COL13A1: variants seen among roughly 807,000 people sequenced by gnomAD.
COL13A1 encodes the protein collagen type XIII alpha 1 chain, also known as collagen alpha-1(XIII) chain.
A neutral mutation model predicts 130.9 loss-of-function variants in COL13A1; 89 were observed. That is an observed-to-expected ratio of 0.68 (90% CI 0.57 to 0.81). The LOEUF (loss-of-function observed/expected upper bound fraction) is 0.81, where lower values mean the gene tolerates loss of function less well. Ranked by LOEUF, COL13A1 falls within the 30% of genes least tolerant of loss-of-function variation. COL13A1 has a pLI of 0.00. For missense variants in COL13A1, 879 were observed against 934.6 expected, an observed-to-expected ratio of 0.94 and a Z score of 0.78; for synonymous variants, 402 against 341.6, an observed-to-expected ratio of 1.18 and a Z score of -1.95.
intron 37 of COL13A1, among the ~76,000 whole-genome samples, chr10:69,946,443 A>T (rs1169124358): frequency 6.6e-6 from 1 of 152,144 alleles, no homozygotes; most frequent in African/African-American, 2.4e-5. Context: ...ATGCTTTCCC[A>T]CCACTGTGTT....
intron 2 of COL13A1, among the ~76,000 whole-genome samples, chr10:69,841,193 G>T (rs1284117864): frequency 6.6e-6 from 1 of 151,530 alleles, no homozygotes; most frequent in African/African-American, 2.4e-5. Flanking sequence ...CTCCACCTTT[G>T]CCTGTTAACT....
chr10:69,926,145 C>T (rs1030836810), intron 26 of COL13A1, among the ~76,000 whole-genome samples: 3 of 152,238 alleles, frequency 2.0e-5, no homozygotes, highest in African/African-American at 4.8e-5. Context: ...CCCTGAGTGC[C>T]ATAGTGGAAT....
intron 13 of COL13A1, among the ~76,000 whole-genome samples, chr10:69,897,886 G>A (rs1178243041): frequency 1.3e-5 from 2 of 152,342 alleles, no homozygotes; most frequent in East Asian, 3.9e-4. Context: ...TCAATGGGTA[G>A]AGGGACTGGA....
chr10:69,933,189 C>CACA (rs2066386595), intron 31 of COL13A1, among the ~76,000 whole-genome samples: 1 of 133,696 alleles, frequency 7.5e-6, no homozygotes, highest in Non-Finnish European at 1.6e-5. Context: ...CTCCACAGCT[C>CACA]ACAATACCCC....
intron 34 of COL13A1, among the ~76,000 whole-genome samples, chr10:69,939,530 T>C (rs2067354220): frequency 6.6e-6 from 1 of 152,184 alleles, no homozygotes; most frequent in African/African-American, 2.4e-5. Flanking sequence ...TTAGCTACCA[T>C]TCTGTTTCCA....
intron 2 of COL13A1, among the ~76,000 whole-genome samples, chr10:69,834,985 A>G (rs1468458625): frequency 6.6e-6 from 1 of 152,212 alleles, no homozygotes; most frequent in Non-Finnish European, 1.5e-5. Context: ...CTCACAGAAG[A>G]GAGAGAACAG....
chr10:69,838,501 C>G (rs1267777347), intron 2 of COL13A1, among the ~76,000 whole-genome samples: 1 of 152,216 alleles, frequency 6.6e-6, no homozygotes, highest in Non-Finnish European at 1.5e-5. Context: ...GGTACAGTAC[C>G]TGGCATGGGG....
chr10:69,898,904 C>A, intron 14 of COL13A1, 142 bp downstream of exon 14: 1 of 598,842 alleles, frequency 1.7e-6, no homozygotes, highest in South Asian at 2.3e-5. Context: ...ATACCATAGA[C>A]ATGGAAATAC....
intron 21 of COL13A1, among the ~76,000 whole-genome samples, chr10:69,920,016 A>G (rs1251079930): frequency 1.3e-5 from 2 of 152,096 alleles, no homozygotes; most frequent in Admixed American, 6.5e-5. Flanking sequence ...CCTTCTCCAC[A>G]TGGCCTGCTT....
chr10:69,889,077 A>T (rs1474781832), intron 9 of COL13A1, among the ~76,000 whole-genome samples: 1 of 152,098 alleles, frequency 6.6e-6, no homozygotes, highest in Non-Finnish European at 1.5e-5. Context: ...GCCAGCAATC[A>T]TTTCCACTCA....
chr10:69,805,934 C>CA (rs1348254992), intron 1 of COL13A1, among the ~76,000 whole-genome samples: 2 of 152,260 alleles, frequency 1.3e-5, no homozygotes, highest in Non-Finnish European at 2.9e-5. Context: ...TCATGGGGCA[C>CA]ACACAGGCAT....
intron 15 of COL13A1, among the ~76,000 whole-genome samples, chr10:69,903,875 G>A (rs2062451541): frequency 6.6e-6 from 1 of 152,132 alleles, no homozygotes. Flanking sequence ...CATTCTAGAT[G>A]GCCTGTTTGC....
chr10:69,870,185 A>ATT (rs142980589), intron 3 of COL13A1, among the ~76,000 whole-genome samples: 8 of 151,784 alleles, frequency 5.3e-5, no homozygotes, highest in African/African-American at 1.9e-4. Context: ...GTATATATAT[A>ATT]TTTTTTTTAC....
chr10:69,919,131 G>A (rs1270863903), intron 20 of COL13A1, 43 bp downstream of exon 20: 2 of 1,613,196 alleles, frequency 1.2e-6, no homozygotes, highest in African/African-American at 2.7e-5. Context: ...CAGAGCATCG[G>A]TCATGGGCAG....
chr10:69,948,690 A>C (rs1187984414), intron 38 of COL13A1, among the ~76,000 whole-genome samples: 1 of 152,160 alleles, frequency 6.6e-6, no homozygotes, highest in Non-Finnish European at 1.5e-5. Flanking sequence ...GTATTTTCTA[A>C]ACCTCCTTCT....
At chr10:69,914,273 G>A (rs2063687916) in intron 17 of COL13A1, among the ~76,000 whole-genome samples, 1 of 152,024 alleles carries the variant, frequency 6.6e-6, no homozygotes, top group Admixed American at 6.5e-5. Context: ...AAAGCTAAGA[G>A]TCCCTCCCCA....
chr10:69,905,157 G>A (rs1461190941), intron 16 of COL13A1, among the ~76,000 whole-genome samples, 198 bp downstream of exon 16: 2 of 152,174 alleles, frequency 1.3e-5, no homozygotes, highest in Non-Finnish European at 2.9e-5. Context: ...CTTCTTGGGT[G>A]CTCACGCCAA....
At chr10:69,825,121 A>G (rs980053062) in intron 2 of COL13A1, among the ~76,000 whole-genome samples, 2 of 152,192 alleles carry the variant, frequency 1.3e-5, no homozygotes, top group African/African-American at 4.8e-5. Context: ...TTGAGCACCT[A>G]CTATGTGCCA....
At chr10:69,950,310 G>T (rs1261672494) in intron 38 of COL13A1, among the ~76,000 whole-genome samples, 1 of 152,094 alleles carries the variant, frequency 6.6e-6, no homozygotes, top group African/African-American at 2.4e-5. Context: ...GTCTGGGGGT[G>T]GGAGGCAGGG....
Sources: gnomAD v4.1 joint callset for allele counts (sites outside exome capture counted in the v4.1 genomes callset) on GRCh38, gnomAD v4.1.1 for gene constraint, MANE v1.5 for transcripts, NCBI Gene and HGNC (gene_info 2026-07-23, HGNC 2026-07-21) for gene names.